NLGN4X: variants seen among roughly 807,000 people sequenced by gnomAD.
NLGN4X encodes neuroligin 4 X-linked.
Under a neutral mutation model 40.3 loss-of-function variants are expected in NLGN4X, and 3 were observed. The observed-to-expected ratio is 0.07, with a 90% CI of 0.03 to 0.19. NLGN4X has a LOEUF of 0.19. Among genes scored for constraint, NLGN4X ranks in the 10% least tolerant of loss-of-function variants. The pLI is 1.00. For missense variants in NLGN4X, 382 were observed against 708.3 expected, an observed-to-expected ratio of 0.54 and a Z score of 5.23; for synonymous variants, 270 against 306.8, an observed-to-expected ratio of 0.88 and a Z score of 1.25.
chrX:6,134,623 A>G (rs1041618510), intron 2 of NLGN4X, among the ~76,000 whole-genome samples: 37 of 112,722 alleles, frequency 3.3e-4, no homozygotes, highest in African/African-American at 1.0e-3. Flanking sequence ...GTGAATAAAT[A>G]AATGAATAAA....
chrX:5,980,110 T>C (rs1348183265), intron 3 of NLGN4X, among the ~76,000 whole-genome samples: 4 of 107,046 alleles, frequency 3.7e-5, no homozygotes, highest in Non-Finnish European at 3.8e-5. Context: ...TTATATATAG[T>C]ATACAATACT....
In NLGN4X at chrX:5,977,324, G is replaced by A. The variant is rs73627038; in HGVS notation, c.625+51956C>T. Among the ~76,000 whole-genome samples the A allele has an allele frequency of 9.1e-3, 1,013 of 111,223 alleles. 10 individuals are homozygous for A. The highest frequency in any genetic ancestry group is 0.032 in the African/African-American group (969 of 30,576). On this transcript the variant is annotated intron_variant, in intron 3 of 5. Transcript: ENST00000381095. ...GAGCCTCAAACACCTGGGCTCAAGTGATCCTATTGCCTCAGTCTCCTGAGT... is the reference window on the plus strand; with the variant it reads ...GAGCCTCAAACACCTGGGCTCAAGTAATCCTATTGCCTCAGTCTCCTGAGT...
intron 2 of NLGN4X, among the ~76,000 whole-genome samples, chrX:6,114,521 A>AACAC (rs529608747): frequency 0.013 from 1,254 of 95,644 alleles, 12 homozygotes; most frequent in Middle Eastern, 0.033. Flanking sequence ...CAAAGTGGCA[A>AACAC]ACACACACAC....
At position 5,898,886 on chromosome X, in the gene NLGN4X, T is replaced by C. The variant is rs2031680443; in HGVS notation, c.1601+4191A>G. Among the ~76,000 whole-genome samples the C allele has an allele frequency of 4.5e-5, 5 of 112,005 alleles. No individual in the cohort carries two copies. In the Admixed American group the frequency reaches 4.7e-4, roughly 11 times the overall value. ...GCGGGCATCAGTTTGGTTCATTCTCTGCACCTGGTGACCAGGGAATCCTTC... is the reference window on the plus strand; with the variant it reads ...GCGGGCATCAGTTTGGTTCATTCTCCGCACCTGGTGACCAGGGAATCCTTC... On this transcript the variant is annotated intron_variant, in intron 5 of 5. Coordinates refer to ENST00000381095, the MANE Select transcript of NLGN4X (RefSeq NM_181332.3).
chrX:5,947,737 C>T (rs1365265269), intron 3 of NLGN4X, among the ~76,000 whole-genome samples: 2 of 111,508 alleles, frequency 1.8e-5, no homozygotes, highest in South Asian at 3.7e-4. Context: ...GTCATTTTCC[C>T]GACATGGCTG....
intron 3 of NLGN4X, among the ~76,000 whole-genome samples, chrX:5,938,041 TG>T (rs1313929204): frequency 9.0e-6 from 1 of 111,668 alleles, no homozygotes; most frequent in Non-Finnish European, 1.9e-5. Context: ...GATTTGTAAT[TG>T]GGTAGGGTCA....
At chrX:6,031,074 A>G (rs920377411) in intron 2 of NLGN4X, among the ~76,000 whole-genome samples, 2 of 112,351 alleles carry the variant, frequency 1.8e-5, no homozygotes, top group Non-Finnish European at 3.8e-5. Flanking sequence ...ACCAGCTGTT[A>G]TATTAATGCA....
At chrX:6,038,743 A>C (rs12558760) in intron 2 of NLGN4X, among the ~76,000 whole-genome samples, 51,108 of 110,377 alleles carry the variant, frequency 0.46, 8,588 homozygotes, top group Middle Eastern at 0.65. Flanking sequence ...TCCAGAAAGC[A>C]GCATTCAAAA....
intron 1 of NLGN4X, among the ~76,000 whole-genome samples, chrX:6,162,011 A>G (rs915855188): frequency 3.6e-5 from 4 of 111,930 alleles, no homozygotes; most frequent in African/African-American, 1.3e-4. Context: ...CCCGTGTTCC[A>G]TGCCTTTATG....
At chrX:5,922,878 T>A (rs1024901650) in intron 3 of NLGN4X, among the ~76,000 whole-genome samples, 17 of 109,990 alleles carry the variant, frequency 1.5e-4, no homozygotes, top group Non-Finnish European at 3.2e-4. Flanking sequence ...AATAAATAAA[T>A]AAAATAAAAA....
chrX:6,110,282 G>C (rs1348525116), intron 2 of NLGN4X, among the ~76,000 whole-genome samples: 2 of 111,522 alleles, frequency 1.8e-5, no homozygotes, highest in Non-Finnish European at 3.8e-5. Context: ...GAGTCAAGTG[G>C]AAAGAACTTC....
At chrX:6,050,646 C>T (rs984223621) in intron 2 of NLGN4X, among the ~76,000 whole-genome samples, 7 of 111,438 alleles carry the variant, frequency 6.3e-5, no homozygotes, top group Non-Finnish European at 1.3e-4. Context: ...ATGTATCTAT[C>T]CATCGATCTA....
At chrX:6,136,135 A>G (rs1397940404) in intron 2 of NLGN4X, among the ~76,000 whole-genome samples, 1 of 111,806 alleles carries the variant, frequency 8.9e-6, no homozygotes, top group Non-Finnish European at 1.9e-5. Flanking sequence ...TATGATTGCA[A>G]TGGTGCTATC....
Position 6,047,860 on chromosome X carries a change from G to T in NLGN4X, c.473-18428C>A, listed in dbSNP as rs994672813. On this transcript the variant is annotated intron_variant, in intron 2 of 5. Transcript: ENST00000381095. ...CCCCACATGGGCCCTCCATACTCCTGGCTGGGATCTGAGTGCAGGTGACTT... is the reference window on the plus strand; with the variant it reads ...CCCCACATGGGCCCTCCATACTCCTTGCTGGGATCTGAGTGCAGGTGACTT... 7.2e-5 allele frequency among the ~76,000 whole-genome samples: 8 copies of T among 111,851 alleles called. No individual in the cohort carries two copies. In the Admixed American group the frequency reaches 7.6e-4, roughly 11 times the overall value.
intron 2 of NLGN4X, among the ~76,000 whole-genome samples, chrX:6,057,910 T>C (rs1010229282): frequency 2.7e-5 from 3 of 111,759 alleles, no homozygotes; most frequent in African/African-American, 9.7e-5. Context: ...AGAGACTATA[T>C]AAAGTTTATA....
intron 3 of NLGN4X, among the ~76,000 whole-genome samples, chrX:5,911,004 C>T (rs1329577183): frequency 9.0e-6 from 1 of 111,480 alleles, no homozygotes; most frequent in Non-Finnish European, 1.9e-5. Context: ...AAATGTTCTG[C>T]AACACCTGTC....
chrX:6,116,246 T>C (rs1398500928), intron 2 of NLGN4X, among the ~76,000 whole-genome samples: 3 of 74,896 alleles, frequency 4.0e-5, no homozygotes, highest in Non-Finnish European at 7.0e-5. Flanking sequence ...TGAGCCAAGA[T>C]TGTGCCACTG....
intron 3 of NLGN4X, among the ~76,000 whole-genome samples, chrX:5,992,219 C>T (rs1383819012): frequency 8.9e-6 from 1 of 112,372 alleles, no homozygotes; most frequent in Non-Finnish European, 1.9e-5. Flanking sequence ...TCTAGGATCA[C>T]AGACAGATCT....
chrX:6,143,023 T>C (rs1177586337), intron 2 of NLGN4X, among the ~76,000 whole-genome samples: 2 of 112,272 alleles, frequency 1.8e-5, no homozygotes, highest in Non-Finnish European at 3.8e-5. Context: ...GTTCAACATT[T>C]ATTATGCCTA....
Sources: gnomAD v4.1 joint callset for allele counts (sites outside exome capture counted in the v4.1 genomes callset) on GRCh38, gnomAD v4.1.1 for gene constraint, MANE v1.5 for transcripts, NCBI Gene and HGNC (gene_info 2026-07-23, HGNC 2026-07-21) for gene names.